Variants in DAB1 observed in about 807,000 individuals in gnomAD.
DAB1 encodes disabled homolog 1.
A neutral mutation model predicts 64.6 loss-of-function variants in DAB1; 15 were observed. That is an observed-to-expected ratio of 0.23 (90% CI 0.16 to 0.36). The LOEUF (loss-of-function observed/expected upper bound fraction) is 0.36, where lower values mean the gene tolerates loss of function less well. Ranked by LOEUF, DAB1 falls within the 10% of genes least tolerant of loss-of-function variation. The pLI is 1.00. For synonymous variants in DAB1, 235 were observed against 251.9 expected (o/e 0.93, Z 0.64); for missense variants, 596 against 706.7 (o/e 0.84, Z 1.78).
chr1:57,126,258 G>C (rs1657117591), intron 4 of DAB1, among the ~76,000 whole-genome samples: 1 of 152,172 alleles, frequency 6.6e-6, no homozygotes, highest in Non-Finnish European at 1.5e-5. Flanking sequence ...CAAAAATTAA[G>C]TATGTATAGT....
chr1:57,444,479 A>T (rs931647582), intron 7 of DAB1, among the ~76,000 whole-genome samples: 1 of 152,146 alleles, frequency 6.6e-6, no homozygotes, highest in Non-Finnish European at 1.5e-5. Context: ...TAGTGGGTTG[A>T]ATATATTGAC....
At chr1:58,054,326 C>G (rs537421034) in intron 5 of DAB1, among the ~76,000 whole-genome samples, 1 of 152,202 alleles carries the variant, frequency 6.6e-6, no homozygotes, top group African/African-American at 2.4e-5. Flanking sequence ...GTTCTTTCTA[C>G]TCCTCCATCT....
chr1:57,623,440 A>G (rs1015195602), intron 7 of DAB1, among the ~76,000 whole-genome samples: 1 of 152,190 alleles, frequency 6.6e-6, no homozygotes, highest in African/African-American at 2.4e-5. Context: ...GCAATTAATA[A>G]CAATTAAGGG....
chr1:57,947,493 C>G (rs1269869672), intron 5 of DAB1, among the ~76,000 whole-genome samples: 1 of 152,070 alleles, frequency 6.6e-6, no homozygotes, highest in Non-Finnish European at 1.5e-5. Context: ...CTAGGTCTAC[C>G]CACTAAATAC....
At position 58,424,466 on chromosome 1, in the gene DAB1, G is replaced by A. The variant is rs188336044; in HGVS notation, n.258-81063C>T. 8.1e-4 allele frequency among the ~76,000 whole-genome samples: 123 copies of A among 152,252 alleles called. 1 individual carries two copies. The highest frequency in any genetic ancestry group is 2.9e-3 in the African/African-American group (120 of 41,540). ...ACCACCTATTGTGGGGATTCTCTCG[G>A]TTTTATCTGCACCCACCTTTCTAGA... On this transcript the variant is annotated intron_variant and non_coding_transcript_variant, in intron 3 of 20. Coordinates refer to the DAB1 transcript ENST00000485760.
chr1:57,427,266 T>A (rs1685326709), upstream of DAB1, among the ~76,000 whole-genome samples: 2 of 152,352 alleles, frequency 1.3e-5, no homozygotes, highest in South Asian at 2.1e-4. Flanking sequence ...TTGACAGGCA[T>A]TTATGGAGTC....
chr1:58,210,330 C>G (rs1455188149), intron 4 of DAB1, among the ~76,000 whole-genome samples: 1 of 152,156 alleles, frequency 6.6e-6, no homozygotes, highest in Non-Finnish European at 1.5e-5. Flanking sequence ...ATAGCATGTT[C>G]ATAAAACTGT....
intron 7 of DAB1, among the ~76,000 whole-genome samples, chr1:57,552,433 T>C (rs1216010337): frequency 6.6e-6 from 1 of 152,152 alleles, no homozygotes; most frequent in African/African-American, 2.4e-5. Flanking sequence ...TGGGGCTATG[T>C]AGAGGGGAAT....
chr1:57,155,005 G>A (rs914465564), intron 2 of DAB1, among the ~76,000 whole-genome samples: 1 of 152,042 alleles, frequency 6.6e-6, no homozygotes, highest in Non-Finnish European at 1.5e-5. Flanking sequence ...TTCCTGTGCT[G>A]TGCAGAAGCT....
chr1:57,584,782 G>A (rs1056300756), intron 7 of DAB1, among the ~76,000 whole-genome samples: 1 of 152,098 alleles, frequency 6.6e-6, no homozygotes, highest in African/African-American at 2.4e-5. Context: ...GTGTTGTTAG[G>A]TCCCCTAATA....
intron 5 of DAB1, among the ~76,000 whole-genome samples, chr1:57,941,843 A>C (rs1025310319): frequency 6.6e-6 from 1 of 152,190 alleles, no homozygotes; most frequent in Non-Finnish European, 1.5e-5. Flanking sequence ...TCTTAAAAAA[A>C]AAGAAAAGAA....
In DAB1 at chr1:57,647,856, A is replaced by G. The variant is rs897539199; in HGVS notation, n.625+1736T>C. Among the ~76,000 whole-genome samples the G allele has an allele frequency of 5.3e-4, 80 of 152,318 alleles. 1 individual carries two copies. The highest frequency in any genetic ancestry group is 1.9e-3 in the African/African-American group (79 of 41,574). ...ACAGGGGCATAATGGCAGAGCTCAA[A>G]TTAAAACATTGAAGTTCCGAGTCTA... On this transcript the variant is annotated intron_variant and non_coding_transcript_variant, in intron 7 of 20. Coordinates refer to the DAB1 transcript ENST00000485760.
chr1:57,677,600 C>T (rs1483741262), intron 6 of DAB1, among the ~76,000 whole-genome samples: 4 of 152,136 alleles, frequency 2.6e-5, no homozygotes, highest in Non-Finnish European at 5.9e-5. Flanking sequence ...GTTTTCCCCA[C>T]AAAACCATGC....
At position 58,316,163 on chromosome 1, in the gene DAB1, C is replaced by T. The variant is rs529581639; in HGVS notation, n.309+27189G>A. ...CAAATTCAATACAGGAACTGTGCTACAGCACTCAATACATGGTTGCAGTTT... is the reference window on the plus strand; with the variant it reads ...CAAATTCAATACAGGAACTGTGCTATAGCACTCAATACATGGTTGCAGTTT... On this transcript the variant is annotated intron_variant and non_coding_transcript_variant, in intron 4 of 20. Transcript: ENST00000485760. 2.2e-4 allele frequency among the ~76,000 whole-genome samples: 33 copies of T among 152,274 alleles called. 1 individual carries two copies. The highest frequency in any genetic ancestry group is 6.8e-3 in the Middle Eastern group (2 of 294).
chr1:58,324,874 C>T (rs1376630043), intron 4 of DAB1, among the ~76,000 whole-genome samples: 1 of 152,180 alleles, frequency 6.6e-6, no homozygotes, highest in African/African-American at 2.4e-5. Context: ...ACAGGAGCAG[C>T]TGGAATAATT....
intron 5 of DAB1, among the ~76,000 whole-genome samples, chr1:57,964,218 T>C (rs1645597397): frequency 6.6e-6 from 1 of 152,144 alleles, no homozygotes; most frequent in Non-Finnish European, 1.5e-5. Context: ...TGCCCTGCAG[T>C]TTTACTCCAC....
intron 2 of DAB1, among the ~76,000 whole-genome samples, chr1:57,154,685 C>T (rs1373310861): frequency 6.6e-6 from 1 of 152,198 alleles, no homozygotes; most frequent in African/African-American, 2.4e-5. Flanking sequence ...TTCCTTTTCT[C>T]CACATCTTTG....
chr1:57,794,604 C>G (rs1650754962), intron 6 of DAB1, among the ~76,000 whole-genome samples: 1 of 152,158 alleles, frequency 6.6e-6, no homozygotes, highest in Non-Finnish European at 1.5e-5. Context: ...CTCCATTGTA[C>G]CTAAGCATAC....
At chr1:57,729,063 T>C (rs1235014313) in intron 6 of DAB1, among the ~76,000 whole-genome samples, 2 of 152,218 alleles carry the variant, frequency 1.3e-5, no homozygotes, top group African/African-American at 4.8e-5. Flanking sequence ...GTACCTAATG[T>C]ATAATTTTAC....
Sources: gnomAD v4.1 joint callset for allele counts (sites outside exome capture counted in the v4.1 genomes callset) on GRCh38, gnomAD v4.1.1 for gene constraint, MANE v1.5 for transcripts, NCBI Gene and HGNC (gene_info 2026-07-23, HGNC 2026-07-21) for gene names.